Variants in SORD observed in about 807,000 individuals in gnomAD.
The protein encoded by SORD is sorbitol dehydrogenase, also known as (R,R)-butanediol dehydrogenase.
SORD carries 18 observed loss-of-function variants against 35.6 expected under a neutral mutation model. That is an observed-to-expected ratio of 0.51 (90% CI 0.35 to 0.75). The LOEUF (loss-of-function observed/expected upper bound fraction) is 0.75. SORD is among the 30% of genes least tolerant of loss of function. The pLI is 0.01. For synonymous variants in SORD, 106 were observed against 152.9 expected (o/e 0.69, Z 2.26); for missense variants, 250 against 390.2 (o/e 0.64, Z 3.03).
chr15:45,027,871 G>A lies in SORD; in HGVS notation c.66+4522G>A, dbSNP rs1215717443. On this transcript the variant is annotated intron_variant, in intron 1 of 8. Transcript: ENST00000267814. ...TCACTCGAATGGTAAGGAAATGCGG[G>A]GAATTAATATATTGACTGCCTACTG... is the stretch of plus-strand genomic sequence containing the variant. 3.3e-5 allele frequency among the ~76,000 whole-genome samples: 5 copies of A among 152,354 alleles called. No individual in the cohort carries two copies. In the East Asian group the frequency reaches 9.6e-4, roughly 29 times the overall value.
At chr15:45,065,749 G>A (rs555178776) in intron 5 of SORD, among the ~76,000 whole-genome samples, 10 of 152,102 alleles carry the variant, frequency 6.6e-5, no homozygotes, top group Admixed American at 1.3e-4. Context: ...GTGAAACCCC[G>A]TCTCTACAAA....
chr15:45,032,461 G>A lies in SORD; in HGVS notation c.67-7947G>A, dbSNP rs555051628. ...CAGCATGTCCAAACCTAAGTGTCTC[G>A]TAATTCTTGTAGGAATTCAGAAGTC... is the stretch of plus-strand genomic sequence containing the variant. On this transcript the variant is annotated intron_variant, in intron 1 of 8. Coordinates refer to ENST00000267814, the MANE Select transcript of SORD (RefSeq NM_003104.6). Among the ~76,000 whole-genome samples the A allele has an allele frequency of 4.4e-3, 671 of 151,958 alleles. 6 individuals carry two copies. The highest frequency in any genetic ancestry group is 0.015 in the African/African-American group (641 of 41,460).
intron 1 of SORD, among the ~76,000 whole-genome samples, chr15:45,026,007 G>A (rs1472229423): frequency 1.3e-5 from 2 of 152,164 alleles, no homozygotes; most frequent in Non-Finnish European, 2.9e-5. Context: ...TTACCCTGGA[G>A]AGAGCCCCAA....
rs1470677091 is a variant in SORD, at chr15:45,066,104, C to T, written c.544+715C>T. 2.6e-5 allele frequency among the ~76,000 whole-genome samples: 4 copies of T among 151,304 alleles called. No homozygotes were observed. The East Asian group carries it at 8.0e-4, about 30-fold the overall frequency. On this transcript the variant is annotated intron_variant, in intron 5 of 8. Coordinates refer to ENST00000267814, the MANE Select transcript of SORD (RefSeq NM_003104.6). ...ACTAAAAATACAAAAATTAGCCAGG[C>T]GTGGTGGTGCACCCCCTGTAGTCCC... is the stretch of plus-strand genomic sequence containing the variant.
intron 1 of SORD, among the ~76,000 whole-genome samples, chr15:45,025,851 C>T (rs1167086628): frequency 6.6e-6 from 1 of 152,192 alleles, no homozygotes; most frequent in Non-Finnish European, 1.5e-5. Context: ...AGGAGCACTA[C>T]TGCGGACTTT....
chr15:45,029,147 A>G (rs923999208), intron 1 of SORD, among the ~76,000 whole-genome samples: 1 of 152,276 alleles, frequency 6.6e-6, no homozygotes, highest in Admixed American at 6.5e-5. Flanking sequence ...AGCCCAAAGA[A>G]CCATCTTTCT....
At chr15:45,069,780 A>G (rs557095317) in intron 7 of SORD, 1 of 152,348 alleles carries the variant, frequency 6.6e-6, no homozygotes, top group African/African-American at 2.4e-5. Flanking sequence ...CTTATATAAA[A>G]TAACAGTCAT....
At chr15:45,061,786 T>C (rs539221639) in intron 4 of SORD, among the ~76,000 whole-genome samples, 1 of 152,028 alleles carries the variant, frequency 6.6e-6, no homozygotes, top group Admixed American at 6.5e-5. Flanking sequence ...GGAGAATGGC[T>C]TGAACACGGG....
chr15:45,066,028 G>A lies in SORD; in HGVS notation c.544+639G>A, dbSNP rs1026140834. 1.2e-4 allele frequency among the ~76,000 whole-genome samples: 18 copies of A among 152,160 alleles called. 1 individual carries two copies. Among genetic ancestry groups the A allele is most frequent in the Admixed American group, 7.2e-4 (11 of 15,296 alleles). ...GAAGGCTGAGACGGGTAGATCACTT[G>A]AGGCCAAAAGTTCAAGACCAGCCTG... On this transcript the variant is annotated intron_variant, in intron 5 of 8. Transcript: ENST00000267814.
At chr15:45,055,028 A>G (rs1029929439) in intron 3 of SORD, among the ~76,000 whole-genome samples, 4 of 152,158 alleles carry the variant, frequency 2.6e-5, no homozygotes, top group Non-Finnish European at 5.9e-5. Flanking sequence ...TACCAGTACC[A>G]TGCTGTTTTG....
At chr15:45,050,354 T>C (rs1693397736) in intron 3 of SORD, among the ~76,000 whole-genome samples, 1 of 152,246 alleles carries the variant, frequency 6.6e-6, no homozygotes, top group African/African-American at 2.4e-5. Flanking sequence ...GTGCTGGGAT[T>C]ACACGCATGA....
At chr15:45,027,059 A>G (rs1892684061) in intron 1 of SORD, among the ~76,000 whole-genome samples, 1 of 152,250 alleles carries the variant, frequency 6.6e-6, no homozygotes, top group Admixed American at 6.5e-5. Flanking sequence ...AGCATTTATA[A>G]ATTGGGTGGT....
intron 2 of SORD, among the ~76,000 whole-genome samples, chr15:45,042,726 A>T (rs1416024088): frequency 6.6e-6 from 1 of 151,798 alleles, no homozygotes; most frequent in African/African-American, 2.4e-5. Flanking sequence ...CCTACTAATG[A>T]TATATTGTTT....
intron 1 of SORD, among the ~76,000 whole-genome samples, chr15:45,038,126 C>CCCTCCCTT (rs1429347377): frequency 8.2e-5 from 10 of 122,244 alleles, no homozygotes; most frequent in East Asian, 5.1e-4. Context: ...CTCGCATCCT[C>CCCTCCCTT]CCTTCCTTCC....
At chr15:45,030,257 G>T (rs575362137) in intron 1 of SORD, among the ~76,000 whole-genome samples, 1 of 152,340 alleles carries the variant, frequency 6.6e-6, no homozygotes, top group Non-Finnish European at 1.5e-5. Context: ...TCACAAATAG[G>T]ATTTTACCAT....
At chr15:45,066,244 CAA>C (rs36027648) in intron 5 of SORD, among the ~76,000 whole-genome samples, 2,105 of 68,872 alleles carry the variant, frequency 0.031, 41 homozygotes, top group African/African-American at 0.099. Flanking sequence ...GATTCTGTCT[CAA>C]AAAAAAAAAA....
At chr15:45,059,450 G>A (rs1368888081) in intron 3 of SORD, among the ~76,000 whole-genome samples, 1 of 152,114 alleles carries the variant, frequency 6.6e-6, no homozygotes, top group Non-Finnish European at 1.5e-5. Context: ...GATACTGACT[G>A]TGGTATACTC....
intron 3 of SORD, among the ~76,000 whole-genome samples, chr15:45,049,060 G>A (rs77379402): frequency 0.023 from 3,576 of 152,232 alleles, 73 homozygotes; most frequent in Non-Finnish European, 0.036. Flanking sequence ...CCTGAAAAGG[G>A]GAGGAAACTT....
At chr15:45,055,015 T>C (rs997151291) in intron 3 of SORD, among the ~76,000 whole-genome samples, 28 of 152,374 alleles carry the variant, frequency 1.8e-4, no homozygotes, top group Admixed American at 1.7e-3. Flanking sequence ...ATCTCTGTTT[T>C]GGTACCAGTA....
Sources: gnomAD v4.1 joint callset for allele counts (sites outside exome capture counted in the v4.1 genomes callset) on GRCh38, gnomAD v4.1.1 for gene constraint, MANE v1.5 for transcripts, NCBI Gene and HGNC (gene_info 2026-07-23, HGNC 2026-07-21) for gene names.